SIK2: variants seen among roughly 807,000 people sequenced by gnomAD.
SIK2 encodes the protein serine/threonine-protein kinase SIK2.
In SIK2, 29 loss-of-function variants were observed where a neutral mutation model predicts 103.2. The ratio of observed to expected loss-of-function variants is 0.28; its 90% confidence interval spans 0.21 to 0.38. The LOEUF (loss-of-function observed/expected upper bound fraction) is 0.38, where lower values mean the gene tolerates loss of function less well. SIK2 is among the 10% of genes least tolerant of loss of function. The pLI is 1.00. For missense variants in SIK2, 879 were observed against 1,171.0 expected (o/e 0.75, Z 3.64); for synonymous variants, 412 against 446.1 (o/e 0.92, Z 0.96).
Position 111,668,714 on chromosome 11 carries a change from T to C in SIK2, c.317-19287T>C, listed in dbSNP as rs1942583169. On this transcript the variant is annotated intron_variant, in intron 3 of 14. Coordinates refer to ENST00000304987, the MANE Select transcript of SIK2 (RefSeq NM_015191.3). Reference sequence around the variant, plus strand: ...GGACTGATAGAACTGTTTCTAAAGATTGCTCTGGCTACTCTGTCAAGAATG... The same window carrying C: ...GGACTGATAGAACTGTTTCTAAAGACTGCTCTGGCTACTCTGTCAAGAATG... Among the ~76,000 whole-genome samples the C allele has an allele frequency of 2.0e-5, 3 of 152,202 alleles. No individual in the cohort carries two copies. The South Asian group carries it at 6.2e-4, about 32-fold the overall frequency.
intron 3 of SIK2, among the ~76,000 whole-genome samples, chr11:111,648,961 A>G (rs559623539): frequency 3.3e-5 from 5 of 152,242 alleles, no homozygotes; most frequent in Admixed American, 2.0e-4. Context: ...TTGCTGCAGT[A>G]TATGTCTCCC....
In SIK2 at chr11:111,729,160, G is replaced by A. The variant is rs978560530; in HGVS notation, c.*5031G>A. On this transcript the variant is annotated 3_prime_UTR_variant, in exon 15 of 15. Transcript: ENST00000304987. ...TTTTACCATTTTTGTCCTAATTAAG[G>A]TAGCCTAGCTGATTCTAGAAGACAG... 6.6e-6 allele frequency: 1 copy of A among 152,146 alleles called. No homozygotes were observed. The highest frequency in any genetic ancestry group is 2.1e-4 in the South Asian group (1 of 4,826). 9.4% of individuals were successfully genotyped at this position (152,146 alleles called of 1,614,324 possible).
At chr11:111,714,773 T>A (rs1943593323) in intron 9 of SIK2, among the ~76,000 whole-genome samples, 1 of 152,128 alleles carries the variant, frequency 6.6e-6, no homozygotes, top group African/African-American at 2.4e-5. Context: ...CACAAGCCAG[T>A]GTTGACCGAA....
chr11:111,692,888 T>C (rs1591619894), intron 4 of SIK2, among the ~76,000 whole-genome samples: 2 of 152,126 alleles, frequency 1.3e-5, no homozygotes, highest in East Asian at 3.8e-4. Flanking sequence ...TTAGCCATCT[T>C]GTATATTGAA....
intron 3 of SIK2, among the ~76,000 whole-genome samples, chr11:111,682,099 C>T (rs951771817): frequency 6.6e-6 from 1 of 152,178 alleles, no homozygotes; most frequent in African/African-American, 2.4e-5. Flanking sequence ...GCTGTCACTC[C>T]CAGTACTTAC....
chr11:111,604,338 G>A (rs999304051), intron 1 of SIK2, among the ~76,000 whole-genome samples: 1 of 152,220 alleles, frequency 6.6e-6, no homozygotes, highest in African/African-American at 2.4e-5. Context: ...GTGAGTTATA[G>A]AGAGGTTCTA....
At chr11:111,707,721 T>G (rs746019141) in intron 8 of SIK2, among the ~76,000 whole-genome samples, 1 of 152,206 alleles carries the variant, frequency 6.6e-6, no homozygotes, top group Non-Finnish European at 1.5e-5. Flanking sequence ...ATGTTCTAAT[T>G]TTTTTAAAAG....
chr11:111,707,856 G>A (rs560126037), intron 8 of SIK2, among the ~76,000 whole-genome samples: 12 of 152,292 alleles, frequency 7.9e-5, no homozygotes, highest in Non-Finnish European at 1.6e-4. Flanking sequence ...ACACCAAGCT[G>A]AGTGACTTCG....
At position 111,720,552 on chromosome 11, in the gene SIK2, A is replaced by G. The variant is rs1231724263; in HGVS notation, c.1570A>G (p.Arg524Gly). The change falls in exon 11 of 15, where the codon AGG (arginine) becomes GGG (glycine). Residue 524 changes from arginine to glycine, a missense_variant. Physicochemically the swap from Arg to Gly is moderately radical, Grantham distance 125. Coordinates refer to ENST00000304987, the MANE Select transcript of SIK2 (RefSeq NM_015191.3). The part of the protein sequence containing the change: ...DSEYDMGSVQ[R>G]DLNFLEDNPS... ...TGAGTATGATATGGGGTCTGTTCAGAGGGACCTGAACTTTCTGGAAGACAA... is the reference window on the plus strand; with the variant it reads ...TGAGTATGATATGGGGTCTGTTCAGGGGGACCTGAACTTTCTGGAAGACAA... 7.4e-6 allele frequency: 12 copies of G among 1,614,070 alleles called. No homozygotes were observed. The highest frequency in any genetic ancestry group is 1.0e-5 in the Non-Finnish European group (12 of 1,179,996).
chr11:111,640,716 C>T (rs1432920361), intron 3 of SIK2, among the ~76,000 whole-genome samples: 2 of 126,526 alleles, frequency 1.6e-5, no homozygotes, highest in East Asian at 2.5e-4. Context: ...TCAGAAGAAA[C>T]AGGCAATTTT....
chr11:111,602,707 C>T lies in SIK2; in HGVS notation c.135+9C>T, dbSNP rs766544063. 356 of 1,495,910 alleles carry T rather than the reference C, an allele frequency of 2.4e-4. No individual in the cohort carries two copies. Among genetic ancestry groups the T allele is most frequent in the Non-Finnish European group, 2.9e-4 (325 of 1,120,602 alleles). 92.7% of individuals were successfully genotyped at this position (1,495,910 alleles called of 1,614,324 possible). A position where few individuals can be genotyped will look rare whatever the true frequency, so the allele number is the denominator to read the frequency against. On this transcript the variant is annotated intron_variant, in intron 1 of 14. Transcript: ENST00000304987. This position sits in a 1 kb window ranked among gnomAD's most constrained non-coding sequence, Gnocchi z 4.5. ...GGATCACCAAGACGGAGGTGCGGCC[C>T]GGGGCTCGGCGGGAGCGTCCGAGGC...
At chr11:111,612,944 A>ATATT (rs1565307046) in intron 1 of SIK2, among the ~76,000 whole-genome samples, 11 of 147,742 alleles carry the variant, frequency 7.4e-5, no homozygotes, top group Non-Finnish European at 1.3e-4. Context: ...ATATATATAT[A>ATATT]TATTTATGAT....
At chr11:111,662,396 G>A (rs1174557467) in intron 3 of SIK2, among the ~76,000 whole-genome samples, 1 of 152,170 alleles carries the variant, frequency 6.6e-6, no homozygotes, top group East Asian at 1.9e-4. Flanking sequence ...GAAAAAAACA[G>A]TAAAACAGAC....
At chr11:111,714,781 G>A (rs532199082) in intron 9 of SIK2, among the ~76,000 whole-genome samples, 27 of 152,282 alleles carry the variant, frequency 1.8e-4, no homozygotes, top group African/African-American at 5.5e-4. Flanking sequence ...AGTGTTGACC[G>A]AAAGGATTTA....
intron 3 of SIK2, among the ~76,000 whole-genome samples, chr11:111,624,723 T>C (rs995771155): frequency 6.6e-6 from 1 of 152,132 alleles, no homozygotes; most frequent in Non-Finnish European, 1.5e-5. Flanking sequence ...GTAGATTAGA[T>C]AGTGATGAGT....
At chr11:111,606,967 A>AC (rs1246257048) in intron 1 of SIK2, among the ~76,000 whole-genome samples, 1 of 151,652 alleles carries the variant, frequency 6.6e-6, no homozygotes, top group African/African-American at 2.4e-5. Context: ...AAAAAAAAAA[A>AC]AACTTATAAA....
chr11:111,715,079 T>C (rs1162652716), intron 9 of SIK2, among the ~76,000 whole-genome samples: 3 of 152,130 alleles, frequency 2.0e-5, no homozygotes, highest in Non-Finnish European at 4.4e-5. Context: ...AGGCAGGAAA[T>C]GAATGATTTT....
chr11:111,641,004 G>A (rs1195388945), intron 3 of SIK2, among the ~76,000 whole-genome samples: 1 of 152,090 alleles, frequency 6.6e-6, no homozygotes, highest in East Asian at 1.9e-4. Flanking sequence ...TGCCAGTATA[G>A]CATCTGGTAA....
chr11:111,724,399 A>C lies in SIK2; in HGVS notation c.*270A>C. 2.1e-6 allele frequency: 1 copy of C among 482,136 alleles called. No individual in the cohort carries two copies. Among genetic ancestry groups the C allele is most frequent in the Non-Finnish European group, 3.7e-6 (1 of 267,636 alleles). The allele number at this position is 482,136 out of a possible 1,614,324, so 29.9% of individuals were successfully genotyped here. Reference sequence around the variant, plus strand: ...TCGAGTGGAGCAAGCTCTCGAGGGCAGCACTGACAAATGTGTTCCTAAGAA... The same window carrying C: ...TCGAGTGGAGCAAGCTCTCGAGGGCCGCACTGACAAATGTGTTCCTAAGAA... On this transcript the variant is annotated 3_prime_UTR_variant, in exon 15 of 15. Coordinates refer to ENST00000304987, the MANE Select transcript of SIK2 (RefSeq NM_015191.3).
Sources: gnomAD v4.1 joint callset for allele counts (sites outside exome capture counted in the v4.1 genomes callset) on GRCh38, gnomAD v4.1.1 for gene constraint, Gnocchi (gnomAD v3.1) non-coding constraint, MANE v1.5 for transcripts, NCBI Gene and HGNC (gene_info 2026-07-23, HGNC 2026-07-21) for gene names.